NETO2: variants seen among roughly 807,000 people sequenced by gnomAD.
NETO2 encodes neuropilin and tolloid-like protein 2.
Under a neutral mutation model 62.5 loss-of-function variants are expected in NETO2, and 28 were observed. That is an observed-to-expected ratio of 0.45 (90% CI 0.33 to 0.61). NETO2 has a LOEUF of 0.61. Ranked by LOEUF, NETO2 falls within the 20% of genes least tolerant of loss-of-function variation. The pLI is 0.02. For synonymous variants in NETO2, 214 were observed against 219.1 expected (o/e 0.98, Z 0.21); for missense variants, 548 against 643.2 (o/e 0.85, Z 1.60).
intron 1 of NETO2, among the ~76,000 whole-genome samples, 185 bp downstream of exon 1, chr16:47,143,394 G>A (rs1203089463): frequency 1.3e-5 from 2 of 151,938 alleles, no homozygotes; most frequent in African/African-American, 4.8e-5. Context: ...CGGCGCGCCC[G>A]GAGAGCCGGC....
intron 6 of NETO2, among the ~76,000 whole-genome samples, chr16:47,122,454 T>C (rs1964061009): frequency 6.6e-6 from 1 of 152,212 alleles, no homozygotes; most frequent in African/African-American, 2.4e-5. Context: ...CTGAAGAATT[T>C]CAGAAATTTC....
chr16:47,101,356 T>C (rs1963539034), intron 7 of NETO2, among the ~76,000 whole-genome samples: 1 of 152,128 alleles, frequency 6.6e-6, no homozygotes. Flanking sequence ...CTGGAAGCAT[T>C]CCCTTTGAAA....
intron 7 of NETO2, among the ~76,000 whole-genome samples, chr16:47,090,386 C>G (rs775371416): frequency 6.6e-6 from 1 of 152,140 alleles, no homozygotes; most frequent in Non-Finnish European, 1.5e-5. Flanking sequence ...AAATGACAAT[C>G]AAGCATCAGT....
intron 6 of NETO2, among the ~76,000 whole-genome samples, chr16:47,113,865 T>C (rs1274100657): frequency 6.6e-6 from 1 of 152,188 alleles, no homozygotes; most frequent in Non-Finnish European, 1.5e-5. Flanking sequence ...AGTGCTGGGA[T>C]TATAGGCGTG....
chr16:47,129,206 A>C lies in NETO2; in HGVS notation c.232+18T>G. ...AATAAAGTAAAAATTCATCCAATAA[A>C]AGAAATCGTTCAAATACCTTCCAAA... On this transcript the variant is annotated intron_variant, in intron 3 of 8. Transcript: ENST00000562435. 1 of 1,610,508 alleles carries C rather than the reference A, an allele frequency of 6.2e-7. No individual in the cohort carries two copies. Among genetic ancestry groups the C allele is most frequent in the Non-Finnish European group, 8.5e-7 (1 of 1,177,166 alleles).
intron 2 of NETO2, among the ~76,000 whole-genome samples, chr16:47,130,509 G>A (rs915008007): frequency 6.6e-6 from 1 of 151,630 alleles, no homozygotes; most frequent in South Asian, 2.1e-4. Context: ...TAAAGACTAT[G>A]CAAGAAAAAT....
intron 7 of NETO2, among the ~76,000 whole-genome samples, chr16:47,105,227 C>T (rs972458046): frequency 4.1e-4 from 62 of 152,064 alleles, no homozygotes; most frequent in African/African-American, 1.4e-3. Context: ...GGTGCCAAGA[C>T]CATTCAATAG....
At position 47,081,427 on chromosome 16, in the gene NETO2, A is replaced by T. The variant is rs1216934681; in HGVS notation, c.*1794T>A. 1 of 152,442 alleles carries T rather than the reference A, an allele frequency of 6.6e-6. No individual in the cohort carries two copies. The highest frequency in any genetic ancestry group is 2.4e-5 in the African/African-American group (1 of 41,464). The allele number at this position is 152,442 out of a possible 1,614,324, so 9.4% of individuals were successfully genotyped here. On this transcript the variant is annotated 3_prime_UTR_variant, in exon 9 of 9. Coordinates refer to ENST00000562435, the MANE Select transcript of NETO2 (RefSeq NM_018092.5). ...ATTTTTAAAACAAGAAACTAGGCTG[A>T]CTTAAAAAAATTTAAATCATGAATA...
At chr16:47,139,064 G>C (rs1258448905) in intron 1 of NETO2, among the ~76,000 whole-genome samples, 3 of 152,016 alleles carry the variant, frequency 2.0e-5, no homozygotes, top group Non-Finnish European at 4.4e-5. Context: ...CTGGTATTTT[G>C]AGTCTTGTTG....
Position 47,085,482 on chromosome 16 carries a change from A to G in NETO2, c.997+744T>C, listed in dbSNP as rs1488004997. Among the ~76,000 whole-genome samples the G allele has an allele frequency of 3.3e-5, 5 of 152,098 alleles. No individual in the cohort carries two copies. In the South Asian group the frequency reaches 1.0e-3, roughly 31 times the overall value. On this transcript the variant is annotated intron_variant, in intron 8 of 8. Transcript: ENST00000562435. ...CTGCAACCTCTGCCTGCCGAGTTCA[A>G]GCAATTCTCCTGCCTCAGCCTCCCG...
chr16:47,126,441 T>C (rs1964158704), intron 4 of NETO2, among the ~76,000 whole-genome samples: 1 of 152,170 alleles, frequency 6.6e-6, no homozygotes, highest in African/African-American at 2.4e-5. Flanking sequence ...AGGGAGATAC[T>C]GAAGAGATCA....
intron 6 of NETO2, among the ~76,000 whole-genome samples, chr16:47,120,656 T>C (rs1043213735): frequency 1.3e-5 from 2 of 152,218 alleles, no homozygotes; most frequent in African/African-American, 4.8e-5. Flanking sequence ...CTGCCTTCAT[T>C]CTTAAATGAC....
At chr16:47,099,136 G>A (rs1352678271) in intron 7 of NETO2, among the ~76,000 whole-genome samples, 1 of 152,106 alleles carries the variant, frequency 6.6e-6, no homozygotes, top group African/African-American at 2.4e-5. Flanking sequence ...GGGATTACAG[G>A]TGTGTGAGCC....
At chr16:47,128,099 G>A (rs1964192575) in intron 4 of NETO2, among the ~76,000 whole-genome samples, 7 of 152,160 alleles carry the variant, frequency 4.6e-5, no homozygotes, top group Admixed American at 4.6e-4. Flanking sequence ...CTAAGAAAAT[G>A]TGGCACCATC....
intron 6 of NETO2, among the ~76,000 whole-genome samples, chr16:47,115,454 G>A (rs1000899904): frequency 6.6e-6 from 1 of 151,050 alleles, no homozygotes; most frequent in Non-Finnish European, 1.5e-5. Flanking sequence ...TTTTTTTGGT[G>A]GAGTAATATT....
intron 1 of NETO2, among the ~76,000 whole-genome samples, chr16:47,137,703 C>T (rs1964386032): frequency 6.6e-6 from 1 of 152,224 alleles, no homozygotes; most frequent in Non-Finnish European, 1.5e-5. Flanking sequence ...TTTTACTTGA[C>T]TGCATTCAGA....
At chr16:47,100,492 A>C (rs1037217478) in intron 7 of NETO2, among the ~76,000 whole-genome samples, 1 of 151,026 alleles carries the variant, frequency 6.6e-6, no homozygotes, top group African/African-American at 2.4e-5. Flanking sequence ...CACAAAAAAA[A>C]ACAAAAGCAA....
intron 6 of NETO2, among the ~76,000 whole-genome samples, chr16:47,112,522 C>T (rs1963822367): frequency 1.3e-5 from 2 of 152,098 alleles, no homozygotes; most frequent in Non-Finnish European, 2.9e-5. Context: ...CCACACCTGG[C>T]TAATTTTTTG....
At position 47,083,181 on chromosome 16, in the gene NETO2, C is replaced by A. The variant is rs201910179; in HGVS notation, c.*40G>T. ...AGTATGGTGCCCTGGAGGCTGCGTA[C>A]GTACACACCCTAAGAATTCACATCA... is the stretch of plus-strand genomic sequence containing the variant. On this transcript the variant is annotated 3_prime_UTR_variant, in exon 9 of 9. Coordinates refer to ENST00000562435, the MANE Select transcript of NETO2 (RefSeq NM_018092.5). The A allele has an allele frequency of 2.6e-6, 4 of 1,546,340 alleles. No individual in the cohort carries two copies. The highest frequency in any genetic ancestry group is 2.7e-5 in the African/African-American group (2 of 73,200).
Sources: gnomAD v4.1 joint callset for allele counts (sites outside exome capture counted in the v4.1 genomes callset) on GRCh38, gnomAD v4.1.1 for gene constraint, MANE v1.5 for transcripts, NCBI Gene and HGNC (gene_info 2026-07-23, HGNC 2026-07-21) for gene names.